Variants in MAF observed in about 807,000 individuals in gnomAD.
MAF encodes the protein MAF bZIP transcription factor.
A neutral mutation model predicts 22.0 loss-of-function variants in MAF; 10 were observed. The observed-to-expected ratio is 0.45, with a 90% CI of 0.28 to 0.77. The LOEUF (loss-of-function observed/expected upper bound fraction) is 0.77. Among genes scored for constraint, MAF ranks in the 30% least tolerant of loss-of-function variants. The pLI is 0.12. For missense variants in MAF, 544 were observed against 548.4 expected, an observed-to-expected ratio of 0.99 and a Z score of 0.08; for synonymous variants, 337 against 255.8, an observed-to-expected ratio of 1.32 and a Z score of -3.03.
the MAF span, among the ~76,000 whole-genome samples, chr16:79,230,851 G>C: frequency 6.6e-6 from 1 of 152,102 alleles, no homozygotes; most frequent in East Asian, 1.9e-4. Context: ...GATGAAGATA[G>C]GCGAATACAT....
the MAF span, among the ~76,000 whole-genome samples, chr16:79,444,459 C>G: frequency 6.6e-6 from 1 of 152,108 alleles, no homozygotes; most frequent in African/African-American, 2.4e-5. Flanking sequence ...TAGCCTTGGG[C>G]AAGTTCTTTT....
At chr16:79,398,858 T>C in the MAF span, among the ~76,000 whole-genome samples, 1 of 152,172 alleles carries the variant, frequency 6.6e-6, no homozygotes, top group South Asian at 2.1e-4. Flanking sequence ...GGCCAGGCAT[T>C]CTCTGCCCCA....
chr16:79,493,769 T>C, the MAF span, among the ~76,000 whole-genome samples: 29 of 152,356 alleles, frequency 1.9e-4, no homozygotes, highest in African/African-American at 6.7e-4. Flanking sequence ...GAAAACATTT[T>C]CTTTGCTGGA....
chr16:79,426,671 G>A, the MAF span, among the ~76,000 whole-genome samples: 5 of 152,264 alleles, frequency 3.3e-5, no homozygotes, highest in South Asian at 6.2e-4. Flanking sequence ...CTAGCTATTT[G>A]CCATTGTTCC....
chr16:79,298,939 C>A, the MAF span, among the ~76,000 whole-genome samples: 31 of 152,354 alleles, frequency 2.0e-4, no homozygotes, highest in African/African-American at 6.7e-4. Flanking sequence ...TGTGGTAGGC[C>A]GATCCTCTCA....
the MAF span, among the ~76,000 whole-genome samples, chr16:79,519,147 G>C: frequency 1.4e-4 from 22 of 152,088 alleles, no homozygotes; most frequent in African/African-American, 2.4e-4. Flanking sequence ...CACTGTGGCA[G>C]AGATCCTCTC....
At chr16:79,255,501 T>C in the MAF span, among the ~76,000 whole-genome samples, 1 of 152,220 alleles carries the variant, frequency 6.6e-6, no homozygotes, top group Non-Finnish European at 1.5e-5. Context: ...TCCATGCTTT[T>C]ATATTTAGGC....
chr16:79,365,590 T>TC, the MAF span, among the ~76,000 whole-genome samples: 1 of 152,126 alleles, frequency 6.6e-6, no homozygotes, highest in South Asian at 2.1e-4. Context: ...TGTTTTTTTT[T>TC]TCCTGGGATT....
chr16:79,251,519 G>T, the MAF span, among the ~76,000 whole-genome samples: 1 of 152,084 alleles, frequency 6.6e-6, no homozygotes, highest in Non-Finnish European at 1.5e-5. Context: ...ATTTCACCAT[G>T]TTGGTCAGGT....
the MAF span, among the ~76,000 whole-genome samples, chr16:79,488,490 G>A: frequency 4.6e-5 from 7 of 152,220 alleles, no homozygotes; most frequent in East Asian, 1.2e-3. Flanking sequence ...AGTCTATAAT[G>A]TAACATTCCA....
At chr16:79,535,229 A>C in the MAF span, among the ~76,000 whole-genome samples, 3 of 152,088 alleles carry the variant, frequency 2.0e-5, no homozygotes, top group Non-Finnish European at 4.4e-5. Flanking sequence ...ACAGATGTAG[A>C]CATTGCTTTT....
the MAF span, among the ~76,000 whole-genome samples, chr16:79,307,134 C>T: frequency 6.6e-6 from 1 of 152,202 alleles, no homozygotes; most frequent in Admixed American, 6.5e-5. Context: ...CTCCGCAGTC[C>T]ATGTGGAGAT....
chr16:79,499,470 T>C, the MAF span, among the ~76,000 whole-genome samples: 1 of 152,202 alleles, frequency 6.6e-6, no homozygotes, highest in Admixed American at 6.5e-5. Flanking sequence ...AGGATCTGAA[T>C]GTTCATGTTT....
At chr16:79,577,342 G>T in the MAF span, among the ~76,000 whole-genome samples, 307 of 152,336 alleles carry the variant, frequency 2.0e-3, no homozygotes, top group Non-Finnish European at 3.6e-3. Context: ...AAGGAGGAAT[G>T]AGGGAATCAA....
chr16:79,547,652 C>T, the MAF span, among the ~76,000 whole-genome samples: 12 of 152,280 alleles, frequency 7.9e-5, no homozygotes, highest in Non-Finnish European at 1.2e-4. Context: ...ACCCAATTCA[C>T]TGTGAAAGAT....
downstream of MAF, among the ~76,000 whole-genome samples, chr16:79,584,975 A>G (rs1223490916): frequency 1.3e-5 from 2 of 152,188 alleles, no homozygotes; most frequent in South Asian, 2.1e-4. Flanking sequence ...AAGAGCAGCA[A>G]TTTGAAAGTG....
the MAF span, among the ~76,000 whole-genome samples, chr16:79,541,662 G>GTTTTTTTTTT: frequency 2.4e-5 from 3 of 123,882 alleles, no homozygotes; most frequent in Non-Finnish European, 3.5e-5. Flanking sequence ...GGTTTTTTTA[G>GTTTTTTTTTT]TTTTTTTTTT....
chr16:79,438,130 A>G, the MAF span, among the ~76,000 whole-genome samples: 3 of 151,736 alleles, frequency 2.0e-5, no homozygotes, highest in Non-Finnish European at 4.4e-5. Context: ...GGCAGGGGGA[A>G]GAGAGTGGGG....
chr16:79,292,324 T>C, the MAF span, among the ~76,000 whole-genome samples: 2 of 151,876 alleles, frequency 1.3e-5, no homozygotes, highest in African/African-American at 4.8e-5. Flanking sequence ...GAAGCAGAGA[T>C]TGGGGTGATG....
Sources: allele counts gnomAD v4.1 joint callset (sites outside exome capture counted in the v4.1 genomes callset), GRCh38; gene constraint gnomAD v4.1.1; transcripts MANE v1.5; gene names NCBI Gene and HGNC (gene_info 2026-07-23, HGNC 2026-07-21).